Variants in CNGB3 observed in about 807,000 individuals in gnomAD.
CNGB3 encodes the protein cyclic nucleotide gated channel subunit beta 3.
A neutral mutation model predicts 92.8 loss-of-function variants in CNGB3; 86 were observed. The ratio of observed to expected loss-of-function variants is 0.93; its 90% CI spans 0.78 to 1.11. CNGB3 has a LOEUF of 1.11. Ranked by LOEUF, CNGB3 falls within the 50% of genes least tolerant of loss-of-function variation. CNGB3 has a pLI of 0.00. For missense variants in CNGB3, 1,026 were observed against 956.8 expected (o/e 1.07, Z -0.95); for synonymous variants, 333 against 332.7 (o/e 1.00, Z -0.01).
intron 17 of CNGB3, among the ~76,000 whole-genome samples, chr8:86,576,381 C>A (rs560416770): frequency 6.6e-6 from 1 of 152,310 alleles, no homozygotes; most frequent in South Asian, 2.1e-4. Flanking sequence ...CCAAGGAATT[C>A]TCTTCCTATT....
intron 13 of CNGB3, among the ~76,000 whole-genome samples, chr8:86,612,169 T>G (rs1822533972): frequency 6.6e-6 from 1 of 152,058 alleles, no homozygotes; most frequent in African/African-American, 2.4e-5. Context: ...TCCAACTCAA[T>G]TATCTTCTTA....
At chr8:86,712,679 G>T (rs1824771034) in intron 3 of CNGB3, among the ~76,000 whole-genome samples, 1 of 151,012 alleles carries the variant, frequency 6.6e-6, no homozygotes, top group Non-Finnish European at 1.5e-5. Flanking sequence ...AATTATAGAA[G>T]TTTAAATAGG....
chr8:86,637,993 G>A (rs910305104), intron 10 of CNGB3, among the ~76,000 whole-genome samples: 1 of 152,038 alleles, frequency 6.6e-6, no homozygotes, highest in African/African-American at 2.4e-5. Flanking sequence ...ATATGCTTCC[G>A]TATAAGATGT....
intron 15 of CNGB3, among the ~76,000 whole-genome samples, chr8:86,589,358 A>T (rs1298571831): frequency 6.8e-6 from 1 of 147,528 alleles, no homozygotes; most frequent in Non-Finnish European, 1.5e-5. Flanking sequence ...CTCTGATTTT[A>T]GTTATTTCTC....
intron 3 of CNGB3, 78 bp downstream of exon 3, chr8:86,726,453 G>A: frequency 6.4e-7 from 1 of 1,572,612 alleles, no homozygotes; most frequent in Non-Finnish European, 8.7e-7. Context: ...AGCTAAAGGG[G>A]AGAGTGGATA....
At chr8:86,694,240 C>G (rs1268761909) in intron 3 of CNGB3, among the ~76,000 whole-genome samples, 2 of 147,218 alleles carry the variant, frequency 1.4e-5, no homozygotes, top group Non-Finnish European at 3.0e-5. Context: ...CCCCCCACCT[C>G]CCTCCTGGAT....
chr8:86,702,816 A>AAT (rs982880207), intron 3 of CNGB3, among the ~76,000 whole-genome samples: 14 of 151,882 alleles, frequency 9.2e-5, no homozygotes, highest in African/African-American at 1.9e-4. Context: ...GTAAGCTTTT[A>AAT]ATATATATAT....
At chr8:86,643,677 C>A (rs567331168) in intron 10 of CNGB3, 74 bp downstream of exon 10, 1 of 1,509,114 alleles carries the variant, frequency 6.6e-7, no homozygotes, top group South Asian at 1.1e-5. Context: ...AAAACACTGG[C>A]TCTCATAAAT....
chr8:86,686,017 A>G (rs1738220804), intron 3 of CNGB3, among the ~76,000 whole-genome samples: 1 of 152,132 alleles, frequency 6.6e-6, no homozygotes, highest in Admixed American at 6.6e-5. Context: ...TGTATTAATA[A>G]TAAACCATGG....
chr8:86,675,713 T>C (rs1278297062), intron 3 of CNGB3, among the ~76,000 whole-genome samples: 2 of 152,234 alleles, frequency 1.3e-5, no homozygotes, highest in South Asian at 4.1e-4. Context: ...AAAATTTTAT[T>C]TATATATCTC....
rs375588652 is a variant in CNGB3, at chr8:86,638,380, T to C, written c.1178+5371A>G. Among the ~76,000 whole-genome samples, 101 of 152,284 alleles carry C rather than the reference T, an allele frequency of 6.6e-4. No homozygotes were observed. The South Asian group carries it at 0.012, about 18-fold the overall frequency. ...AGTAACCCCATGTTATCCTAACACC[T>C]GGCATTGTCATTATCCCAGCACTTG... is the stretch of plus-strand genomic sequence containing the variant. On this transcript the variant is annotated intron_variant, in intron 10 of 17. Coordinates refer to ENST00000320005, the MANE Select transcript of CNGB3 (RefSeq NM_019098.5).
At chr8:86,602,615 A>G (rs535362078) in intron 15 of CNGB3, among the ~76,000 whole-genome samples, 1 of 152,294 alleles carries the variant, frequency 6.6e-6, no homozygotes, top group South Asian at 2.1e-4. Context: ...CAATTTTCTC[A>G]GTTATGAAAT....
chr8:86,587,488 T>C (rs1322417004), intron 15 of CNGB3, among the ~76,000 whole-genome samples: 1 of 152,230 alleles, frequency 6.6e-6, no homozygotes, highest in Admixed American at 6.5e-5. Flanking sequence ...GTTTAAGTCT[T>C]TAATCCATAT....
chr8:86,657,337 C>A, intron 6 of CNGB3: 1 of 417,376 alleles, frequency 2.4e-6, no homozygotes. Context: ...GGGGATGGAG[C>A]CTCTGGCCCC....
chr8:86,643,697 G>A lies in CNGB3; in HGVS notation c.1178+54C>T, dbSNP rs896070475. ...ACTGGCTCTCATAAATTCATACAAT[G>A]AAACAGAATGTTAAAAATAATCAAT... On this transcript the variant is annotated intron_variant, in intron 10 of 17. Transcript: ENST00000320005. 8.9e-6 allele frequency: 14 copies of A among 1,574,974 alleles called. No individual in the cohort carries two copies. The Admixed American group carries it at 1.9e-4, about 21-fold the overall frequency.
chr8:86,627,102 T>C (rs201404711), intron 12 of CNGB3, among the ~76,000 whole-genome samples: 6 of 106 alleles, frequency 0.057, no homozygotes, highest in Non-Finnish European at 0.075. Context: ...TGAGAGTTGA[T>C]TTTTTTTTAA....
chr8:86,711,530 A>G (rs1824750125), intron 3 of CNGB3, among the ~76,000 whole-genome samples: 1 of 152,138 alleles, frequency 6.6e-6, no homozygotes. Context: ...CTGGTTTTCT[A>G]TGGCAACAGG....
At chr8:86,667,912 T>A (rs550607124) in intron 5 of CNGB3, 107 bp downstream of exon 5, 3 of 1,212,310 alleles carry the variant, frequency 2.5e-6, no homozygotes, top group Non-Finnish European at 3.7e-6. Context: ...CCTAGTTAGA[T>A]TGAGAATATG....
At chr8:86,686,196 A>G (rs1363423515) in intron 3 of CNGB3, among the ~76,000 whole-genome samples, 5 of 152,094 alleles carry the variant, frequency 3.3e-5, no homozygotes, top group Non-Finnish European at 5.9e-5. Context: ...AATAATTTGT[A>G]TGGTCTGTCA....
Sources: allele counts gnomAD v4.1 joint callset (sites outside exome capture counted in the v4.1 genomes callset), GRCh38; gene constraint gnomAD v4.1.1; transcripts MANE v1.5; gene names NCBI Gene and HGNC (gene_info 2026-07-23, HGNC 2026-07-21).